RGS20: variants seen among roughly 807,000 people sequenced by gnomAD.
The protein encoded by RGS20 is regulator of G protein signaling 20, also known as gz-selective GTPase-activating protein.
RGS20 carries 30 observed loss-of-function variants against 33.6 expected under a neutral mutation model. The observed-to-expected ratio is 0.89, with a 90% CI of 0.67 to 1.21. RGS20 has a LOEUF of 1.21. Among genes scored for constraint, RGS20 ranks in the 50% most tolerant of loss-of-function variants. The probability of loss-of-function intolerance (pLI) is 0.00; values close to 1 mark genes in which losing one functional copy is unlikely to be tolerated. For missense variants in RGS20, 472 were observed against 502.4 expected, an observed-to-expected ratio of 0.94 and a Z score of 0.58; for synonymous variants, 208 against 197.9, an observed-to-expected ratio of 1.05 and a Z score of -0.43.
At chr8:53,862,834 GT>G (rs1811838566) in intron 1 of RGS20, among the ~76,000 whole-genome samples, 1 of 152,100 alleles carries the variant, frequency 6.6e-6, no homozygotes, top group Non-Finnish European at 1.5e-5. Context: ...TTTCTAAGTT[GT>G]TTTGGCCAAA....
rs535888047 is a variant in RGS20, at chr8:53,956,471, G to A, written c.979-1799G>A. On this transcript the variant is annotated intron_variant, in intron 5 of 5. Transcript: ENST00000297313. ...TTGGAGAAGACCAGGGGCAGAAGAC[G>A]TTAGAAAACTAATTCAGGAGTCCAA... is the stretch of plus-strand genomic sequence containing the variant. 6.2e-4 allele frequency among the ~76,000 whole-genome samples: 95 copies of A among 152,240 alleles called. 1 individual carries two copies. The South Asian group carries it at 0.019, about 31-fold the overall frequency.
chr8:53,861,936 T>A (rs1244186564), intron 1 of RGS20, among the ~76,000 whole-genome samples: 8 of 152,180 alleles, frequency 5.3e-5, no homozygotes, highest in African/African-American at 1.2e-4. Context: ...ACATCTCCCA[T>A]CATTTGTTGG....
chr8:53,956,573 G>A (rs994818242), intron 5 of RGS20, among the ~76,000 whole-genome samples: 3 of 152,144 alleles, frequency 2.0e-5, no homozygotes, highest in Non-Finnish European at 4.4e-5. Flanking sequence ...AAACCCCACC[G>A]TCTCAAATGA....
At chr8:53,908,466 C>G (rs987085729) in intron 2 of RGS20, among the ~76,000 whole-genome samples, 1 of 152,060 alleles carries the variant, frequency 6.6e-6, no homozygotes, top group African/African-American at 2.4e-5. Flanking sequence ...ATGGTGAAAC[C>G]CTGCCTCTAT....
chr8:53,947,987 ATATATT>A (rs1814571220), intron 4 of RGS20, among the ~76,000 whole-genome samples: 1 of 136,506 alleles, frequency 7.3e-6, no homozygotes, highest in Non-Finnish European at 1.5e-5. Flanking sequence ...AAGATAGTAT[ATATATT>A]TATATATGCT....
chr8:53,891,004 T>C (rs984031109), intron 2 of RGS20, among the ~76,000 whole-genome samples: 12 of 152,218 alleles, frequency 7.9e-5, no homozygotes, highest in African/African-American at 2.9e-4. Flanking sequence ...TTTAAGTTTG[T>C]TCTTTGCCTC....
intron 1 of RGS20, among the ~76,000 whole-genome samples, chr8:53,861,966 T>C (rs1053017097): frequency 1.3e-5 from 2 of 152,086 alleles, no homozygotes; most frequent in African/African-American, 4.8e-5. Flanking sequence ...AGTCCAAGCT[T>C]TGGGGGGGCC....
intron 2 of RGS20, among the ~76,000 whole-genome samples, chr8:53,911,474 C>A (rs1199856270): frequency 6.6e-6 from 1 of 152,074 alleles, no homozygotes; most frequent in African/African-American, 2.4e-5. Flanking sequence ...TACACAAAAA[C>A]CAAATAACAT....
At chr8:53,881,030 C>T (rs1253842466) in intron 2 of RGS20, 3 of 1,582,936 alleles carry the variant, frequency 1.9e-6, no homozygotes, top group African/African-American at 1.3e-5. Flanking sequence ...GCACGGCGGA[C>T]GGAGGCGAGC....
chr8:53,907,196 C>G (rs565173970), intron 2 of RGS20, among the ~76,000 whole-genome samples: 1 of 152,284 alleles, frequency 6.6e-6, no homozygotes, highest in South Asian at 2.1e-4. Flanking sequence ...TCTCAGATAA[C>G]AAAGCATGCA....
chr8:53,948,098 T>C (rs1814577087), intron 4 of RGS20, among the ~76,000 whole-genome samples: 1 of 135,320 alleles, frequency 7.4e-6, no homozygotes, highest in African/African-American at 2.7e-5. Context: ...AGATGTAGTA[T>C]ATATATGCTA....
chr8:53,852,701 T>A (rs1043761133), intron 1 of RGS20, among the ~76,000 whole-genome samples: 2 of 152,234 alleles, frequency 1.3e-5, no homozygotes, highest in Admixed American at 6.5e-5. Flanking sequence ...CATAAAAGGT[T>A]ACTTGGCATA....
At chr8:53,932,911 G>A (rs1170389765) in intron 2 of RGS20, among the ~76,000 whole-genome samples, 1 of 152,210 alleles carries the variant, frequency 6.6e-6, no homozygotes, top group Non-Finnish European at 1.5e-5. Flanking sequence ...CTGGGATGAA[G>A]CTTCCAGAGG....
intron 2 of RGS20, among the ~76,000 whole-genome samples, chr8:53,920,574 T>C (rs1427059541): frequency 5.3e-5 from 8 of 152,188 alleles, no homozygotes; most frequent in Admixed American, 1.3e-4. Context: ...GTAGTATGAA[T>C]AGAAGTGGTA....
chr8:53,879,189 G>C (rs1812275368), intron 1 of RGS20: 1 of 1,277,810 alleles, frequency 7.8e-7, no homozygotes, highest in Non-Finnish European at 1.1e-6. Context: ...CTGTAGTAAA[G>C]AGCCCCATCT....
chr8:53,894,889 T>C (rs1812812478), intron 2 of RGS20, among the ~76,000 whole-genome samples: 1 of 152,184 alleles, frequency 6.6e-6, no homozygotes, highest in Non-Finnish European at 1.5e-5. Flanking sequence ...TTTTTTCTAG[T>C]GTCAGGATTT....
Position 53,851,851 on chromosome 8 carries a change from T to A in RGS20, c.-49T>A, listed in dbSNP as rs760802559. 8.2e-6 allele frequency: 13 copies of A among 1,592,296 alleles called. No homozygotes were observed. Among genetic ancestry groups the A allele is most frequent in the Non-Finnish European group, 1.1e-5 (13 of 1,167,302 alleles). Reference sequence around the variant, plus strand: ...AAGCAGAGTGGATCCTGTGCTAATATTGGGAAAACCAGGCAACAGGACTCA... The same window carrying A: ...AAGCAGAGTGGATCCTGTGCTAATAATGGGAAAACCAGGCAACAGGACTCA... On this transcript the variant is annotated 5_prime_UTR_variant, in exon 1 of 6. Transcript: ENST00000297313.
intron 2 of RGS20, among the ~76,000 whole-genome samples, chr8:53,930,757 C>T (rs936292702): frequency 3.3e-5 from 5 of 152,064 alleles, no homozygotes; most frequent in African/African-American, 4.8e-5. Context: ...CCATGTTGGC[C>T]GGGCTGGTCT....
intron 2 of RGS20, among the ~76,000 whole-genome samples, chr8:53,883,498 G>A (rs908737177): frequency 2.0e-5 from 3 of 152,064 alleles, no homozygotes; most frequent in Non-Finnish European, 4.4e-5. Context: ...TATTAGTAAC[G>A]CATATGAGAG....
Sources: allele counts gnomAD v4.1 joint callset (sites outside exome capture counted in the v4.1 genomes callset), GRCh38; gene constraint gnomAD v4.1.1; transcripts MANE v1.5; gene names NCBI Gene and HGNC (gene_info 2026-07-23, HGNC 2026-07-21).